LMF1: variants seen among roughly 807,000 people sequenced by gnomAD.
LMF1 encodes the protein lipase maturation factor 1, also known as transmembrane protein 112.
In LMF1, 68 loss-of-function variants were observed where a neutral mutation model predicts 60.6. The ratio of observed to expected loss-of-function variants is 1.12; its 90% CI spans 0.92 to 1.37. LMF1 has a LOEUF of 1.37. Ranked by LOEUF, LMF1 falls within the 40% of genes most tolerant of loss-of-function variation. The probability of loss-of-function intolerance (pLI) is 0.00; values close to 1 mark genes in which losing one functional copy is unlikely to be tolerated. For missense variants in LMF1, 948 were observed against 767.2 expected (o/e 1.24, Z -2.78); for synonymous variants, 418 against 324.7 (o/e 1.29, Z -3.09).
intron 4 of LMF1, among the ~76,000 whole-genome samples, chr16:894,021 C>A (rs1184656051): frequency 6.7e-6 from 1 of 150,200 alleles, no homozygotes; most frequent in Non-Finnish European, 1.5e-5. Flanking sequence ...GTCCCCCTGT[C>A]CACCGGGCCG....
At chr16:869,231 T>C (rs1365908120) in intron 9 of LMF1, 175 bp from the exon 10 acceptor site, 5 of 668,304 alleles carry the variant, frequency 7.5e-6, no homozygotes, top group Non-Finnish European at 1.4e-5. Context: ...GCCTGCTTCG[T>C]GTAGCCCTGA....
At chr16:944,934 C>T (rs2072199367) in intron 2 of LMF1, among the ~76,000 whole-genome samples, 1 of 151,912 alleles carries the variant, frequency 6.6e-6, no homozygotes, top group Admixed American at 6.5e-5. Flanking sequence ...AAATAGGGGG[C>T]TGGGCACCGT....
At chr16:953,975 GTC>G (rs1567312108) in intron 2 of LMF1, among the ~76,000 whole-genome samples, 1 of 22,406 alleles carries the variant, frequency 4.5e-5, no homozygotes, top group African/African-American at 1.5e-4. Context: ...CCTCCTACAT[GTC>G]CACACAGACA....
chr16:897,485 C>A lies in LMF1; in HGVS notation c.664-4413G>T, dbSNP rs1417563612. On this transcript the variant is annotated intron_variant, in intron 4 of 10. Transcript: ENST00000262301. The surrounding 1 kb of genome is among the most constrained non-coding windows in gnomAD (Gnocchi z 4.3). ...GGGTCCCCTCGCCTGTATCAGTGGC[C>A]CTTCCTCCCCACCTGTAAACACAGG... 6.6e-6 allele frequency among the ~76,000 whole-genome samples: 1 copy of A among 152,234 alleles called. No individual in the cohort carries two copies. Among genetic ancestry groups the A allele is most frequent in the African/African-American group, 2.4e-5 (1 of 41,462 alleles).
At chr16:855,837 C>T in intron 10 of LMF1, 1 of 456,090 alleles carries the variant, frequency 2.2e-6, no homozygotes. Flanking sequence ...TGGTGACCTG[C>T]ACACAGCTGT....
At chr16:981,153 G>T (rs925585108) in exon 1 of LMF1, 59 of 451,464 alleles carry the variant, frequency 1.3e-4, no homozygotes, top group Non-Finnish European at 2.5e-4. Flanking sequence ...ACCTGGACGT[G>T]CGCTGTCCGC....
rs549226592 is a variant in LMF1 at position 978,077 on chromosome 16, ACAC to A, written c.-135+3065_-135+3067del. Among the ~76,000 whole-genome samples the A allele has an allele frequency of 3.0e-3, 401 of 131,572 alleles. 13 individuals are homozygous for A. Among genetic ancestry groups the A allele is most frequent in the African/African-American group, 9.4e-3 (289 of 30,862 alleles). The allele number at this position is 131,572 out of a possible 152,430, so 86.3% of individuals were successfully genotyped here. On this transcript the variant is annotated intron_variant, in intron 1 of 6. Coordinates refer to the LMF1 transcript ENST00000570014. The stretch of plus-strand genomic sequence containing the variant: ...AAACACACCCACACCCTGCACACAT[ACAC>A]CACACCAAACACACACGGACACACA...
rs1392696899 is a variant in LMF1 at position 948,196 on chromosome 16, C to T, written c.503+6161G>A. Among the ~76,000 whole-genome samples the T allele has an allele frequency of 7.6e-4, 104 of 136,008 alleles. 1 individual carries two copies. Among genetic ancestry groups the T allele is most frequent in the African/African-American group, 1.2e-3 (41 of 34,882 alleles). 89.2% of individuals were successfully genotyped at this position (136,008 alleles called of 152,430 possible). A position where few individuals can be genotyped will look rare whatever the true frequency, so the allele number is the denominator to read the frequency against. Reference sequence around the variant, plus strand: ...CAGCCAACGACAGAGTCAGAGACAACGACAGAGTCAGCCAATGACAGAGTC... The same window carrying T: ...CAGCCAACGACAGAGTCAGAGACAATGACAGAGTCAGCCAATGACAGAGTC... On this transcript the variant is annotated intron_variant, in intron 2 of 10. Transcript: ENST00000262301.
chr16:917,087 G>C lies in LMF1; in HGVS notation c.515-6008C>G, dbSNP rs138149410. Among the ~76,000 whole-genome samples, 393 of 152,348 alleles carry C rather than the reference G, an allele frequency of 2.6e-3. 5 individuals carry two copies. The highest frequency in any genetic ancestry group is 9.1e-3 in the African/African-American group (378 of 41,576). On this transcript the variant is annotated intron_variant, in intron 3 of 10. Coordinates refer to ENST00000262301, the MANE Select transcript of LMF1 (RefSeq NM_022773.4). ...AACTCATCTTGAAGGCAGAGCTAAA[G>C]TCACGTGTATGGGGCCATCTGCAGC...
intron 4 of LMF1, among the ~76,000 whole-genome samples, chr16:910,075 A>G (rs943655830): frequency 6.6e-6 from 1 of 152,212 alleles, no homozygotes; most frequent in Non-Finnish European, 1.5e-5. Context: ...CAAAATGAAA[A>G]TCTTACTACC....
chr16:932,234 C>T lies in LMF1; in HGVS notation c.514+2010G>A, dbSNP rs527653043. Among the ~76,000 whole-genome samples, 7 of 152,174 alleles carry T rather than the reference C, an allele frequency of 4.6e-5. 1 individual carries two copies. The highest frequency in any genetic ancestry group is 8.8e-5 in the Non-Finnish European group (6 of 68,010). On this transcript the variant is annotated intron_variant, in intron 3 of 10. Transcript: ENST00000262301. The stretch of plus-strand genomic sequence containing the variant: ...CCAGGAGGCCTCACAGGCGGGGGCA[C>T]GGGGAGGGTGGGCTCCAGGCCCTCT...
chr16:877,314 C>T (rs577408873), intron 6 of LMF1, among the ~76,000 whole-genome samples: 2 of 152,310 alleles, frequency 1.3e-5, no homozygotes, highest in South Asian at 4.1e-4. Flanking sequence ...ACCACAAAAA[C>T]TGCCTCAAGT....
chr16:879,418 G>A (rs958196029), intron 6 of LMF1, among the ~76,000 whole-genome samples, 152 bp downstream of exon 6: 7 of 152,180 alleles, frequency 4.6e-5, no homozygotes, highest in Non-Finnish European at 8.8e-5. Context: ...AGTGGGGCCC[G>A]TGACACAAAC....
At chr16:937,059 G>T (rs1333089568) in intron 2 of LMF1, among the ~76,000 whole-genome samples, 8 of 152,294 alleles carry the variant, frequency 5.3e-5, no homozygotes, top group Middle Eastern at 3.4e-3. Flanking sequence ...CAAGCGTTGT[G>T]CAGAGAAGGG....
intron 3 of LMF1, among the ~76,000 whole-genome samples, chr16:915,721 T>A (rs982265323): frequency 2.0e-5 from 3 of 152,168 alleles, no homozygotes; most frequent in African/African-American, 7.2e-5. Flanking sequence ...GATGGGGTTT[T>A]CCGGACGGAA....
intron 3 of LMF1, chr16:931,672 G>C: frequency 7.8e-7 from 1 of 1,287,202 alleles, no homozygotes; most frequent in Non-Finnish European, 1.0e-6. Flanking sequence ...TGTTCTCCAA[G>C]ATCAGGGAAG....
At chr16:906,491 G>A (rs974417679) in intron 4 of LMF1, among the ~76,000 whole-genome samples, 3 of 152,164 alleles carry the variant, frequency 2.0e-5, no homozygotes, top group Non-Finnish European at 2.9e-5. Flanking sequence ...TGTGCTGGAC[G>A]CCTCCTGCCC....
At chr16:911,138 A>G (rs1234091357) in intron 3 of LMF1, 59 bp from the exon 4 acceptor site, 13 of 1,557,866 alleles carry the variant, frequency 8.3e-6, no homozygotes, top group Non-Finnish European at 1.1e-5. Flanking sequence ...TCACAAAGAA[A>G]TCATTTCAGA....
chr16:921,273 T>C (rs2071422719), intron 3 of LMF1: 1 of 152,246 alleles, frequency 6.6e-6, no homozygotes, highest in African/African-American at 2.4e-5. Context: ...ACTGGGGCAT[T>C]CTGTTCCCCT....
Sources: gnomAD v4.1 joint callset for allele counts (sites outside exome capture counted in the v4.1 genomes callset) on GRCh38, gnomAD v4.1.1 for gene constraint, Gnocchi (gnomAD v3.1) non-coding constraint, MANE v1.5 for transcripts, NCBI Gene and HGNC (gene_info 2026-07-23, HGNC 2026-07-21) for gene names.